EYS: variants seen among roughly 807,000 people sequenced by gnomAD.
The protein encoded by EYS is protein eyes shut homolog.
EYS carries 250 observed loss-of-function variants against 282.1 expected under a neutral mutation model. That is an observed-to-expected ratio of 0.89 (90% confidence interval 0.80 to 0.98). The LOEUF is 0.98. Ranked by LOEUF, EYS falls within the 50% of genes least tolerant of loss-of-function variation. The probability of loss-of-function intolerance (pLI) is 0.00; values close to 1 mark genes in which losing one functional copy is unlikely to be tolerated. For missense variants in EYS, 4,016 were observed against 3,709.0 expected, an observed-to-expected ratio of 1.08 and a Z score of -2.15; for synonymous variants, 1,355 against 1,282.9, an observed-to-expected ratio of 1.06 and a Z score of -1.20.
Position 64,617,553 on chromosome 6 carries a change from A to G in EYS, c.3569-20T>C, listed in dbSNP as rs1298430606. 2 of 1,356,882 alleles carry G rather than the reference A, an allele frequency of 1.5e-6. No homozygotes were observed. The highest frequency in any genetic ancestry group is 1.4e-5 in the African/African-American group (1 of 69,122). 84.1% of individuals were successfully genotyped at this position (1,356,882 alleles called of 1,614,324 possible). A position where few individuals can be genotyped will look rare whatever the true frequency, so the allele number is the denominator to read the frequency against. ...ACCATCCTGTTCAACAAAATTACAAAGCAGATATGCAATTTTTAATGATAA... is the reference window on the plus strand; with the variant it reads ...ACCATCCTGTTCAACAAAATTACAAGGCAGATATGCAATTTTTAATGATAA... On this transcript the variant is annotated intron_variant, in intron 23 of 42. Coordinates refer to ENST00000503581, the MANE Select transcript of EYS (RefSeq NM_001142800.2).
At chr6:65,569,245 C>T (rs538778050) in intron 2 of EYS, among the ~76,000 whole-genome samples, 1 of 152,216 alleles carries the variant, frequency 6.6e-6, no homozygotes, top group South Asian at 2.1e-4. Context: ...GAACTACCCC[C>T]TTTGACTGTA....
chr6:64,329,187 C>A (rs1463706019), intron 29 of EYS, among the ~76,000 whole-genome samples: 1 of 152,122 alleles, frequency 6.6e-6, no homozygotes, highest in Admixed American at 6.6e-5. Context: ...GGTAGTAAAT[C>A]AAGCAATTTG....
chr6:65,475,752 GACAGACACAC>G (rs1222289007), intron 5 of EYS, among the ~76,000 whole-genome samples: 3 of 144,674 alleles, frequency 2.1e-5, no homozygotes, highest in Admixed American at 7.0e-5. Flanking sequence ...CAGACAGACA[GACAGACACAC>G]ACACACACAC....
chr6:65,039,960 T>A (rs1301148497), intron 13 of EYS, among the ~76,000 whole-genome samples: 10 of 151,724 alleles, frequency 6.6e-5, no homozygotes, highest in Non-Finnish European at 1.5e-4. Context: ...CACGATAGAA[T>A]CTTGCAGAAG....
At chr6:64,802,549 T>C (rs1472718747) in intron 22 of EYS, among the ~76,000 whole-genome samples, 1 of 152,180 alleles carries the variant, frequency 6.6e-6, no homozygotes, top group African/African-American at 2.4e-5. Flanking sequence ...TTTTATATTA[T>C]CCTAATTTAT....
At chr6:63,747,066 A>AT (rs1171299063) in intron 41 of EYS, among the ~76,000 whole-genome samples, 11 of 152,186 alleles carry the variant, frequency 7.2e-5, no homozygotes, top group Non-Finnish European at 1.5e-4. Flanking sequence ...TCCTGTGGGC[A>AT]TTTAGTGCTA....
chr6:64,678,768 T>G (rs1769790354), intron 22 of EYS, among the ~76,000 whole-genome samples: 1 of 151,968 alleles, frequency 6.6e-6, no homozygotes. Flanking sequence ...GTGGATCAAT[T>G]GAGGTCTGGT....
chr6:64,211,576 T>C (rs924139811), intron 31 of EYS, among the ~76,000 whole-genome samples: 1 of 138,120 alleles, frequency 7.2e-6, no homozygotes, highest in East Asian at 2.4e-4. Flanking sequence ...TATATATATT[T>C]TTTTTCATAT....
chr6:64,749,876 T>C (rs905194049), intron 22 of EYS, among the ~76,000 whole-genome samples: 4 of 152,148 alleles, frequency 2.6e-5, no homozygotes, highest in Non-Finnish European at 4.4e-5. Flanking sequence ...TAGAGGCTAG[T>C]ACGTAATATA....
At chr6:65,580,801 T>C (rs1466979601) in intron 2 of EYS, among the ~76,000 whole-genome samples, 1 of 152,070 alleles carries the variant, frequency 6.6e-6, no homozygotes, top group Non-Finnish European at 1.5e-5. Context: ...AAATTTATAA[T>C]GTTAAATACT....
chr6:64,624,032 C>A (rs1226137641), intron 23 of EYS, among the ~76,000 whole-genome samples: 1 of 152,054 alleles, frequency 6.6e-6, no homozygotes, highest in African/African-American at 2.4e-5. Context: ...AAAAATTTGA[C>A]TTTTTCATTT....
intron 31 of EYS, among the ~76,000 whole-genome samples, chr6:64,210,768 A>G (rs1315280283): frequency 6.6e-6 from 1 of 152,174 alleles, no homozygotes; most frequent in Non-Finnish European, 1.5e-5. Flanking sequence ...AGGGTGTTAC[A>G]GAGGAGATTG....
intron 29 of EYS, among the ~76,000 whole-genome samples, chr6:64,335,245 C>T (rs1344011297): frequency 7.3e-6 from 1 of 136,236 alleles, no homozygotes; most frequent in Non-Finnish European, 1.6e-5. Flanking sequence ...GTGTGACTCC[C>T]CCCACCCCCC....
chr6:64,531,418 C>T (rs1407175920), intron 26 of EYS, among the ~76,000 whole-genome samples: 2 of 146,884 alleles, frequency 1.4e-5, no homozygotes, highest in Admixed American at 1.4e-4. Context: ...GATGGAGTCT[C>T]GCTCTGTTGC....
At chr6:65,595,789 C>T (rs1019036901) in intron 2 of EYS, among the ~76,000 whole-genome samples, 3 of 152,058 alleles carry the variant, frequency 2.0e-5, no homozygotes, top group African/African-American at 7.2e-5. Flanking sequence ...CTAAGGTGAC[C>T]GCCAATGATC....
chr6:65,392,953 A>G (rs1207564011), intron 7 of EYS, among the ~76,000 whole-genome samples: 3 of 152,224 alleles, frequency 2.0e-5, no homozygotes, highest in Non-Finnish European at 4.4e-5. Context: ...CTGGATTAAG[A>G]AAATGTGTCA....
rs1429426857 is a variant in EYS at position 65,244,794 on chromosome 6, TTA to T, written c.2023+51067_2023+51068del. On this transcript the variant is annotated intron_variant, in intron 12 of 42. Transcript: ENST00000503581. The stretch of plus-strand genomic sequence containing the variant: ...GCCTCGGCCTTCCAAAGTGCTGGGA[TTA>T]CAGGCTTGAGCCACCGCGCCTGGCC... Among the ~76,000 whole-genome samples, 7 of 152,164 alleles carry T rather than the reference TTA, an allele frequency of 4.6e-5. No individual in the cohort carries two copies. The South Asian group carries it at 1.4e-3, about 32-fold the overall frequency.
At chr6:65,050,072 A>G (rs1411404092) in intron 13 of EYS, among the ~76,000 whole-genome samples, 1 of 151,700 alleles carries the variant, frequency 6.6e-6, no homozygotes, top group African/African-American at 2.4e-5. Context: ...ATAAAATTAA[A>G]ATAGTAGAAT....
At chr6:63,745,579 C>T (rs1176265122) in intron 41 of EYS, among the ~76,000 whole-genome samples, 1 of 152,062 alleles carries the variant, frequency 6.6e-6, no homozygotes, top group Non-Finnish European at 1.5e-5. Flanking sequence ...GAGCAAAATG[C>T]CTATTCACAT....
Sources: allele counts gnomAD v4.1 joint callset (sites outside exome capture counted in the v4.1 genomes callset), GRCh38; gene constraint gnomAD v4.1.1; transcripts MANE v1.5; gene names NCBI Gene and HGNC (gene_info 2026-07-23, HGNC 2026-07-21).